The following ADAP1 variants were observed in gnomAD, a reference collection of about 807,000 sequenced individuals.
The protein encoded by ADAP1 is ArfGAP with dual PH domains 1.
In ADAP1, 31 loss-of-function variants were observed where a neutral mutation model predicts 54.9. The observed-to-expected ratio is 0.56, with a 90% CI of 0.42 to 0.76. The LOEUF is 0.76. Among genes scored for constraint, ADAP1 ranks in the 30% least tolerant of loss-of-function variants. The pLI is 0.00. For missense variants in ADAP1, 535 were observed against 512.4 expected (o/e 1.04, Z -0.42); for synonymous variants, 313 against 202.6 (o/e 1.55, Z -4.63).
chr7:921,819 C>G (rs1280217521), intron 3 of ADAP1, among the ~76,000 whole-genome samples: 3 of 152,206 alleles, frequency 2.0e-5, no homozygotes, highest in Non-Finnish European at 4.4e-5. Context: ...TGTGTGGAAG[C>G]CGGGGGCCTG....
At chr7:917,026 G>T (rs1431606704) in intron 4 of ADAP1, among the ~76,000 whole-genome samples, 1 of 47,726 alleles carries the variant, frequency 2.1e-5, no homozygotes, top group Non-Finnish European at 4.5e-5. Flanking sequence ...ACGGGAGGGG[G>T]GCGCAGTGCC....
Position 926,802 on chromosome 7 carries a change from G to C in ADAP1, c.214-158C>G. 4.1e-6 allele frequency: 3 copies of C among 733,092 alleles called. No individual in the cohort carries two copies. The highest frequency in any genetic ancestry group is 6.4e-6 in the Non-Finnish European group (3 of 471,472). 45.4% of individuals were successfully genotyped at this position (733,092 alleles called of 1,614,324 possible). On this transcript the variant is annotated intron_variant, in intron 2 of 10. Coordinates refer to ENST00000265846, the MANE Select transcript of ADAP1 (RefSeq NM_006869.4). The surrounding 1 kb of genome is among the most constrained non-coding windows in gnomAD (Gnocchi z 4.6). ...GGGAACGCCACCTCCTCCTGCCCCAGGGACACCATTTCTGAGTGATCGACC... is the reference window on the plus strand; with the variant it reads ...GGGAACGCCACCTCCTCCTGCCCCACGGACACCATTTCTGAGTGATCGACC...
intron 1 of ADAP1, among the ~76,000 whole-genome samples, chr7:953,648 G>T (rs1033855789): frequency 5.9e-5 from 9 of 152,226 alleles, no homozygotes; most frequent in Non-Finnish European, 1.0e-4. Flanking sequence ...CCCGAGCAGG[G>T]CAGGGCTGGT....
rs1846845130 is a variant in ADAP1 at position 938,465 on chromosome 7, T to G, written c.83-2960A>C. Reference sequence around the variant, plus strand: ...CTAAAGTGTTGGGATTACAGATGTGTGACGCCGTGTCTGGCCTGCAAAGTA... The same window carrying G: ...CTAAAGTGTTGGGATTACAGATGTGGGACGCCGTGTCTGGCCTGCAAAGTA... On this transcript the variant is annotated intron_variant, in intron 1 of 10. Transcript: ENST00000265846. The surrounding 1 kb of genome is among the most constrained non-coding windows in gnomAD (Gnocchi z 4.4). Among the ~76,000 whole-genome samples, 1 of 152,188 alleles carries G rather than the reference T, an allele frequency of 6.6e-6. No individual in the cohort carries two copies. The highest frequency in any genetic ancestry group is 1.5e-5 in the Non-Finnish European group (1 of 68,028).
intron 3 of ADAP1, among the ~76,000 whole-genome samples, chr7:922,731 G>A (rs1241565396): frequency 6.6e-6 from 1 of 152,066 alleles, no homozygotes; most frequent in African/African-American, 2.4e-5. Flanking sequence ...CTTCTACGTG[G>A]TGGACCAGTG....
chr7:955,157 CCT>C (rs1386365813), upstream of ADAP1: 7 of 738,602 alleles, frequency 9.5e-6, no homozygotes, highest in Non-Finnish European at 1.2e-5. Context: ...GGAGCCTCCC[CCT>C]GAGACCCACC....
chr7:906,804 A>AGGGGGGGACAGGGG (rs1845473207), intron 4 of ADAP1, among the ~76,000 whole-genome samples: 1 of 22,770 alleles, frequency 4.4e-5, no homozygotes, highest in African/African-American at 1.7e-4. Context: ...GACAGGGGAC[A>AGGGGGGGACAGGGG]TGGGGGGACA....
intron 4 of ADAP1, among the ~76,000 whole-genome samples, chr7:909,818 T>TGA (rs1289953408): frequency 6.6e-6 from 1 of 151,938 alleles, no homozygotes; most frequent in Non-Finnish European, 1.5e-5. Context: ...CGCCCTGCTG[T>TGA]GAGCTGGTCC....
intron 4 of ADAP1, 145 bp from the exon 5 acceptor site, chr7:905,317 A>AGACGGACGGG (rs1554271678): frequency 1.6e-4 from 65 of 400,632 alleles, no homozygotes; most frequent in African/African-American, 3.2e-4. Flanking sequence ...ACGGACGGGG[A>AGACGGACGGG]GAGGGGACAT....
intron 4 of ADAP1, among the ~76,000 whole-genome samples, chr7:909,632 G>T (rs1289896699): frequency 6.6e-6 from 1 of 152,250 alleles, no homozygotes; most frequent in Non-Finnish European, 1.5e-5. Context: ...GCAGCCCCCA[G>T]TCGGCACCAG....
chr7:932,942 G>A (rs772034116), intron 2 of ADAP1, among the ~76,000 whole-genome samples: 10 of 152,276 alleles, frequency 6.6e-5, no homozygotes, highest in Non-Finnish European at 1.2e-4. Context: ...CCAGGCTGGA[G>A]CACAAAGGTG....
rs552458790 is a variant in ADAP1 at position 945,188 on chromosome 7, G to A, written c.82+9208C>T. On this transcript the variant is annotated intron_variant, in intron 1 of 10. Coordinates refer to ENST00000265846, the MANE Select transcript of ADAP1 (RefSeq NM_006869.4). This position sits in a 1 kb window ranked among gnomAD's most constrained non-coding sequence, Gnocchi z 4.2. ...TTTTCCAAGTGACTGAGGCTGGGCT[G>A]GGCAGGCCTCCTTCTCAGGCTGCTG... Among the ~76,000 whole-genome samples the A allele has an allele frequency of 3.0e-4, 45 of 152,340 alleles. No homozygotes were observed. Among genetic ancestry groups the A allele is most frequent in the African/African-American group, 1.1e-3 (45 of 41,592 alleles).
rs1006852727 is a variant in ADAP1 at position 954,493 on chromosome 7, G to GCGATGC, written c.-22_-17dup. The GCGATGC allele has an allele frequency of 7.8e-6, 8 of 1,019,136 alleles. No homozygotes were observed. The highest frequency in any genetic ancestry group is 7.0e-5 in the African/African-American group (4 of 57,332). 63.1% of individuals were successfully genotyped at this position (1,019,136 alleles called of 1,614,324 possible). On this transcript the variant is annotated 5_prime_UTR_variant, in exon 1 of 11. Transcript: ENST00000265846. Reference sequence around the variant, plus strand: ...CCTTGGCCATGGCCGCGATGCGCCCGCGATGCCGATGCCGGGGCCGGGGCC... The same window carrying GCGATGC: ...CCTTGGCCATGGCCGCGATGCGCCCGCGATGCCGATGCCGATGCCGGGGCCGGGGCC...
chr7:926,463 C>A lies in ADAP1; in HGVS notation c.305+90G>T. On this transcript the variant is annotated intron_variant, in intron 3 of 10. Coordinates refer to ENST00000265846, the MANE Select transcript of ADAP1 (RefSeq NM_006869.4). The surrounding 1 kb of genome is among the most constrained non-coding windows in gnomAD (Gnocchi z 4.6). The stretch of plus-strand genomic sequence containing the variant: ...TTCTCCCCGACCCTGTGGGCGGCAC[C>A]CAACTCCCCACCCTGCCGGGTCCTC... 8.3e-7 allele frequency: 1 copy of A among 1,206,156 alleles called. No homozygotes were observed. The allele number at this position is 1,206,156 out of a possible 1,614,324, so 74.7% of individuals were successfully genotyped here. A position where few individuals can be genotyped will look rare whatever the true frequency, so the allele number is the denominator to read the frequency against.
intron 3 of ADAP1, among the ~76,000 whole-genome samples, chr7:923,874 G>A (rs1348452779): frequency 5.3e-5 from 8 of 152,188 alleles, no homozygotes; most frequent in Middle Eastern, 3.2e-3. Flanking sequence ...GGGCACCAGC[G>A]CTGCTGGGGC....
chr7:920,266 G>A lies in ADAP1; in HGVS notation c.306-216C>T, dbSNP rs983966215. ...TGATATTAGTTTATTGGTTTCTTGT[G>A]CGTTCGGCCCCCGGAGCATCAGGCC... On this transcript the variant is annotated intron_variant, in intron 3 of 10. Transcript: ENST00000265846. The surrounding 1 kb of genome is among the most constrained non-coding windows in gnomAD (Gnocchi z 4.5). Among the ~76,000 whole-genome samples, 3 of 152,030 alleles carry A rather than the reference G, an allele frequency of 2.0e-5. No individual in the cohort carries two copies. Among genetic ancestry groups the A allele is most frequent in the Admixed American group, 6.5e-5 (1 of 15,282 alleles).
At chr7:949,975 C>G (rs1847228513) in intron 1 of ADAP1, among the ~76,000 whole-genome samples, 1 of 152,384 alleles carries the variant, frequency 6.6e-6, no homozygotes, top group African/African-American at 2.4e-5. Context: ...AGCAGGGTCT[C>G]AGAGAGACAT....
intron 3 of ADAP1, among the ~76,000 whole-genome samples, chr7:924,529 C>T (rs1229836333): frequency 7.7e-6 from 1 of 129,754 alleles, no homozygotes; most frequent in South Asian, 2.7e-4. Flanking sequence ...CACAGCAGGT[C>T]CACACTGCAC....
rs765996650 is a variant in ADAP1 at position 935,514 on chromosome 7, G to A, written c.83-9C>T. The A allele has an allele frequency of 1.3e-6, 2 of 1,561,682 alleles. No homozygotes were observed. The highest frequency in any genetic ancestry group is 8.7e-7 in the Non-Finnish European group (1 of 1,153,274). ...GGAGGCCCAGTCGGGATCTGCAAGG[G>A]AAAGCCGGACGTTCACGGAGGCTCA... On this transcript the variant is annotated splice_polypyrimidine_tract_variant and intron_variant, in intron 1 of 10. Transcript: ENST00000265846.
Sources: allele counts gnomAD v4.1 joint callset (sites outside exome capture counted in the v4.1 genomes callset), GRCh38; gene constraint gnomAD v4.1.1; non-coding constraint Gnocchi (gnomAD v3.1); transcripts MANE v1.5; gene names NCBI Gene and HGNC (gene_info 2026-07-23, HGNC 2026-07-21).